Variants in PANX2 observed in about 807,000 individuals in gnomAD.
PANX2 encodes pannexin-2.
Under a neutral mutation model 38.7 loss-of-function variants are expected in PANX2, and 30 were observed. The observed-to-expected ratio is 0.78, with a 90% CI of 0.58 to 1.05. PANX2 has a LOEUF of 1.05. PANX2 is among the 50% of genes least tolerant of loss of function. The pLI, the probability that PANX2 is intolerant of heterozygous loss-of-function variation, is 0.00. For synonymous variants in PANX2, 539 were observed against 472.1 expected, an observed-to-expected ratio of 1.14 and a Z score of -1.84; for missense variants, 880 against 979.3, an observed-to-expected ratio of 0.90 and a Z score of 1.35.
rs7292533 is a variant in PANX2 at position 50,179,539 on chromosome 22, T to C, written c.*262T>C. The C allele has an allele frequency of 0.26, 132,644 of 505,442 alleles. 18,099 individuals are homozygous for C. Among genetic ancestry groups the C allele is most frequent in the African/African-American group, 0.34 (17,102 of 50,058 alleles). 31.3% of individuals were successfully genotyped at this position (505,442 alleles called of 1,614,324 possible). A position where few individuals can be genotyped will look rare whatever the true frequency, so the allele number is the denominator to read the frequency against. On this transcript the variant is annotated 3_prime_UTR_variant, in exon 3 of 3. Coordinates refer to ENST00000395842, the MANE Select transcript of PANX2 (RefSeq NM_052839.4). ...GGTGGCCAGGAAGGCTGAAGCCCGC[T>C]TCCCATGCTCCTGCATCAGGTGCCC...
chr22:50,177,155 C>A lies in PANX2; in HGVS notation c.443C>A (p.Thr148Lys). ...PALGWEFLAS[T>K]RLTSELNFLL... The stretch of plus-strand genomic sequence containing the variant: ...CTGGGCTGGGAGTTCCTGGCCTCCA[C>A]GCGCCTCACCTCCGAGCTCAACTTC... The change falls in exon 2 of 3, where the codon ACG becomes AAG. Residue 148 changes from threonine to lysine, a missense_variant. This residue lies in a region of PANX2 where 243 missense variants were observed against 333.1 expected (regional missense o/e 0.73). Transcript: ENST00000395842. 6.2e-7 allele frequency: 1 copy of A among 1,607,884 alleles called. No homozygotes were observed. Among genetic ancestry groups the A allele is most frequent in the East Asian group, 2.2e-5 (1 of 44,712 alleles).
chr22:50,177,894 C>T lies in PANX2; in HGVS notation c.1182C>T (p.Thr394=). The T allele has an allele frequency of 6.5e-7, 1 of 1,536,292 alleles. No homozygotes were observed. Among genetic ancestry groups the T allele is most frequent in the Non-Finnish European group, 8.7e-7 (1 of 1,145,304 alleles). ...AALAQSNHDA[T]PTVRDSGVQT... ...TGGCGCAGTCCAACCACGACGCCAC[C>T]CCCACGGTGCGCGACTCGGGGGTGC... is the stretch of plus-strand genomic sequence containing the variant. The change falls in exon 2 of 3, where the codon ACC becomes ACT. Residue 394 remains threonine, a synonymous_variant. Transcript: ENST00000395842.
At chr22:50,172,895 A>ATTT (rs1165494263) in intron 1 of PANX2, among the ~76,000 whole-genome samples, 11 of 87,084 alleles carry the variant, frequency 1.3e-4, no homozygotes, top group Admixed American at 3.6e-4. Context: ...CGCCTGGCTC[A>ATTT]TTTTTTTTTT....
At position 50,179,334 on chromosome 22, in the gene PANX2, C is replaced by T. The variant is rs577425947; in HGVS notation, c.*57C>T. 2.9e-5 allele frequency: 43 copies of T among 1,491,196 alleles called. No homozygotes were observed. The African/African-American group carries it at 5.8e-4, about 20-fold the overall frequency. The allele number at this position is 1,491,196 out of a possible 1,614,324, so 92.4% of individuals were successfully genotyped here. On this transcript the variant is annotated 3_prime_UTR_variant, in exon 3 of 3. Coordinates refer to ENST00000395842, the MANE Select transcript of PANX2 (RefSeq NM_052839.4). ...CTCTGCCTGTGTCGTGTGGCCTGGC[C>T]AGCCTCCCGGTGGACACCAGCCCTG...
Position 50,177,401 on chromosome 22 carries a change from G to C in PANX2, c.689G>C (p.Arg230Pro). Residue 230 changes from arginine to proline, a missense_variant, in exon 2 of 3, where the codon CGG becomes CCG. Physicochemically the swap from Arg to Pro is moderately radical, Grantham distance 103. Transcript: ENST00000395842. ...TTCCTGGCCAAGCTGTACCTGGCGC[G>C]GCACGTGCTGATCCTGCTGCTGAGC... ...SNFLAKLYLARHVLILLLSAV... is the reference protein window; with the variant it reads ...SNFLAKLYLAPHVLILLLSAV... 1 of 1,609,032 alleles carries C rather than the reference G, an allele frequency of 6.2e-7. No individual in the cohort carries two copies. The highest frequency in any genetic ancestry group is 8.5e-7 in the Non-Finnish European group (1 of 1,178,312).
chr22:50,176,847 G>A (rs2063663609), intron 1 of PANX2, 92 bp from the exon 2 acceptor site: 1 of 1,343,236 alleles, frequency 7.4e-7, no homozygotes, highest in African/African-American at 1.5e-5. Context: ...CCTGGGAGGG[G>A]TTCGGCAGGG....
Position 50,179,137 on chromosome 22 carries a change from T to A in PANX2, c.1894T>A (p.Tyr632Asn). 1 of 1,612,062 alleles carries A rather than the reference T, an allele frequency of 6.2e-7. No individual in the cohort carries two copies. The highest frequency in any genetic ancestry group is 8.5e-7 in the Non-Finnish European group (1 of 1,179,628). ...THPLLHINTL[Y>N]EAREEEDGGP... ...CCCGCTGCTGCACATCAACACGCTG[T>A]ACGAGGCCCGGGAGGAGGAGGACGG... Residue 632 changes from tyrosine (Y) to asparagine (N), a missense_variant, in exon 3 of 3, where the codon TAC (tyrosine) becomes AAC (asparagine). By Grantham distance (143) the Tyr-to-Asn change is moderately radical (BLOSUM62 -2). This residue lies in a region of PANX2 where 445 missense variants were observed against 404.3 expected (regional missense o/e 1.10). Transcript: ENST00000395842.
rs1602401296 is a variant in PANX2 at position 50,177,398 on chromosome 22, C to G, written c.686C>G (p.Ala229Gly). 6.2e-7 allele frequency: 1 copy of G among 1,609,118 alleles called. No individual in the cohort carries two copies. The highest frequency in any genetic ancestry group is 8.5e-7 in the Non-Finnish European group (1 of 1,178,318). The change falls in exon 2 of 3, where the codon GCG (alanine) becomes GGG (glycine). Residue 229 changes from alanine to glycine, a missense_variant. Around this residue, in one of 4 missense-constraint regions of PANX2, gnomAD observed 243 missense variants for 333.1 expected, o/e 0.73. Coordinates refer to ENST00000395842, the MANE Select transcript of PANX2 (RefSeq NM_052839.4). ...RSNFLAKLYL[A>G]RHVLILLLSA... Reference sequence around the variant, plus strand: ...AACTTCCTGGCCAAGCTGTACCTGGCGCGGCACGTGCTGATCCTGCTGCTG... The same window carrying G: ...AACTTCCTGGCCAAGCTGTACCTGGGGCGGCACGTGCTGATCCTGCTGCTG...
intron 1 of PANX2, among the ~76,000 whole-genome samples, chr22:50,174,116 G>C (rs942730502): frequency 6.6e-6 from 1 of 152,194 alleles, no homozygotes; most frequent in Non-Finnish European, 1.5e-5. Flanking sequence ...GCAGTGGTCT[G>C]GGGTGACCAG....
Position 50,178,292 on chromosome 22 carries a change from C to T in PANX2, c.1580C>T (p.Ala527Val), listed in dbSNP as rs767962601. 9.2e-6 allele frequency: 14 copies of T among 1,529,362 alleles called. No individual in the cohort carries two copies. Among genetic ancestry groups the T allele is most frequent in the Non-Finnish European group, 1.1e-5 (13 of 1,144,246 alleles). The allele number at this position is 1,529,362 out of a possible 1,614,324, so 94.7% of individuals were successfully genotyped here. ...CCCTACATCCTCGGCACCAAGAAGG[C>T]CAAGGCCGAGGCGGTGCCCGCCGCC... is the stretch of plus-strand genomic sequence containing the variant. ...VHPYILGTKK[A>V]KAEAVPAALP... The change falls in exon 2 of 3, where the codon GCC becomes GTC. Residue 527 changes from alanine to valine, a missense_variant. Physicochemically the swap from Ala to Val is moderately conservative, Grantham distance 64. This residue lies in a region of PANX2 where 445 missense variants were observed against 404.3 expected (regional missense o/e 1.10). Transcript: ENST00000395842.
At chr22:50,172,669 T>TA (rs1433392477) in intron 1 of PANX2, among the ~76,000 whole-genome samples, 5 of 152,124 alleles carry the variant, frequency 3.3e-5, no homozygotes, top group Non-Finnish European at 7.4e-5. Context: ...CTTCCCAAAG[T>TA]GCTGGGACTA....
At chr22:50,170,988 G>A in intron 1 of PANX2, 32 bp downstream of exon 1, 5 of 1,263,770 alleles carry the variant, frequency 4.0e-6, no homozygotes, top group Non-Finnish European at 4.3e-6. Flanking sequence ...CGGGGCGCGG[G>A]CAGAGGGGGC....
rs149772397 is a variant in PANX2 at position 50,178,947 on chromosome 22, C to T, written c.1704C>T (p.Pro568=). The T allele has an allele frequency of 1.9e-5, 30 of 1,575,448 alleles. No individual in the cohort carries two copies. In the Admixed American group the frequency reaches 2.4e-4, roughly 13 times the overall value. ...GGCTGTTTGCAGATGCTCCGCTCCC[C>T]GAGAAGGAAATCCCGTACCCCACAG... The part of the protein sequence containing the change: ...APAPIKDAPL[P]EKEIPYPTEP... Residue 568 remains proline (P), a synonymous_variant, in exon 3 of 3, where the codon CCC becomes CCT. Coordinates refer to ENST00000395842, the MANE Select transcript of PANX2 (RefSeq NM_052839.4).
At chr22:50,176,411 TCACCCTCAAGGGTGGGCAGAGCC>T (rs1394554679) in intron 1 of PANX2, among the ~76,000 whole-genome samples, 4 of 152,168 alleles carry the variant, frequency 2.6e-5, no homozygotes, top group Non-Finnish European at 4.4e-5. Flanking sequence ...GAGGCGCCCC[TCACCCTCAAGGGTGGGCAGAGCC>T]CACCCTGCCT....
At position 50,177,990 on chromosome 22, in the gene PANX2, G is replaced by A; in HGVS notation, c.1278G>A (p.Pro426=). Residue 426 remains proline (P), a synonymous_variant, in exon 2 of 3, where the codon CCG becomes CCA. Transcript: ENST00000395842. ...GAAEPPVVKR[P]RKKMKWIPTS... The stretch of plus-strand genomic sequence containing the variant: ...CCGAGCCGCCCGTGGTCAAGCGGCC[G>A]CGCAAGAAGATGAAGTGGATCCCCA... 2 of 1,538,368 alleles carry A rather than the reference G, an allele frequency of 1.3e-6. No homozygotes were observed. The highest frequency in any genetic ancestry group is 1.2e-5 in the South Asian group (1 of 83,872).
rs2063636957 is a variant in PANX2, at chr22:50,172,355, G to A, written c.226+1399G>A. On this transcript the variant is annotated intron_variant, in intron 1 of 2. Transcript: ENST00000395842. Reference sequence around the variant, plus strand: ...GCCTCTGGTGCTGCCGGCAATCCTTGGGCGCCTTGGCTCGTGGCCGTGCCA... The same window carrying A: ...GCCTCTGGTGCTGCCGGCAATCCTTAGGCGCCTTGGCTCGTGGCCGTGCCA... 2.0e-5 allele frequency among the ~76,000 whole-genome samples: 3 copies of A among 152,366 alleles called. No individual in the cohort carries two copies. The South Asian group carries it at 6.2e-4, about 32-fold the overall frequency.
intron 1 of PANX2, among the ~76,000 whole-genome samples, chr22:50,171,927 T>C (rs1465945622): frequency 6.6e-6 from 1 of 152,200 alleles, no homozygotes; most frequent in East Asian, 1.9e-4. Flanking sequence ...ATCTCCCAGA[T>C]GCCTTGCCTT....
In PANX2 at chr22:50,179,127, C is replaced by T; in HGVS notation, c.1884C>T (p.Ile628=). 1 of 1,612,260 alleles carries T rather than the reference C, an allele frequency of 6.2e-7. No homozygotes were observed. Among genetic ancestry groups the T allele is most frequent in the Non-Finnish European group, 8.5e-7 (1 of 1,179,658 alleles). The change falls in exon 3 of 3, where the codon ATC becomes ATT. Residue 628 remains isoleucine (I), a synonymous_variant. Coordinates refer to ENST00000395842, the MANE Select transcript of PANX2 (RefSeq NM_052839.4). ...ACGCCACACACCCGCTGCTGCACAT[C>T]AACACGCTGTACGAGGCCCGGGAGG... The part of the protein sequence containing the change: ...SRNATHPLLH[I]NTLYEAREEE...
intron 1 of PANX2, 76 bp from the exon 2 acceptor site, chr22:50,176,863 G>A: frequency 7.1e-7 from 1 of 1,410,168 alleles, no homozygotes; most frequent in Non-Finnish European, 9.3e-7. Flanking sequence ...CAGGGACGCG[G>A]TCAGGTCCAG....
Sources: allele counts gnomAD v4.1 joint callset (sites outside exome capture counted in the v4.1 genomes callset), GRCh38; gene constraint gnomAD v4.1.1; regional missense constraint gnomAD v4.1.1; transcripts MANE v1.5; gene names NCBI Gene and HGNC (gene_info 2026-07-23, HGNC 2026-07-21).